SARS2: variants seen among roughly 807,000 people sequenced by gnomAD.
SARS2 encodes serine--tRNA ligase, mitochondrial.
A neutral mutation model predicts 66.8 loss-of-function variants in SARS2; 52 were observed. That is an observed-to-expected ratio of 0.78 (90% confidence interval 0.62 to 0.98). The LOEUF (loss-of-function observed/expected upper bound fraction) is 0.98. Ranked by LOEUF, SARS2 falls within the 50% of genes least tolerant of loss-of-function variation. The probability of loss-of-function intolerance (pLI) is 0.00; values close to 1 mark genes in which losing one functional copy is unlikely to be tolerated. For synonymous variants in SARS2, 306 were observed against 281.4 expected (o/e 1.09, Z -0.87); for missense variants, 673 against 706.3 (o/e 0.95, Z 0.53).
chr19:38,922,399 C>T, intron 2 of SARS2, 132 bp from the exon 3 acceptor site: 2 of 826,734 alleles, frequency 2.4e-6, no homozygotes, highest in Non-Finnish European at 4.2e-6. Flanking sequence ...CTGGGTCCCT[C>T]TGCAACTCTG....
rs749584583 is a variant in SARS2, at chr19:38,919,783, T to C, written c.738A>G (p.Thr246=). 1.9e-6 allele frequency: 3 copies of C among 1,614,098 alleles called. No individual in the cohort carries two copies. The highest frequency in any genetic ancestry group is 2.5e-6 in the Non-Finnish European group (3 of 1,179,996). Residue 246 remains threonine, a synonymous_variant, in exon 7 of 16, where the codon ACA becomes ACG. Transcript: ENST00000221431. ...ALLQHGLVNF[T]FNKLLRRGFT... is the part of the protein sequence containing the mutation. ...ATACCCGGCGGAGAAGCTTGTTGAA[T>C]GTGAAGTTGACCAGGCCGTGCTGCA...
At position 38,921,458 on chromosome 19, in the gene SARS2, C is replaced by T. The variant is rs777438386; in HGVS notation, c.535-12G>A. The T allele has an allele frequency of 1.2e-5, 19 of 1,614,136 alleles. No homozygotes were observed. Among genetic ancestry groups the T allele is most frequent in the Non-Finnish European group, 1.4e-5 (17 of 1,180,022 alleles). ...TCATCCCCGACGGGCTGCAGGGAGA[C>T]AGCAGGAGTCACGGAAAGGTGGCAC... On this transcript the variant is annotated splice_polypyrimidine_tract_variant and intron_variant, in intron 4 of 15. Coordinates refer to ENST00000221431, the MANE Select transcript of SARS2 (RefSeq NM_017827.4).
At chr19:38,921,336 C>T (rs1974530538) in intron 5 of SARS2, 56 bp downstream of exon 5, 11 of 1,598,170 alleles carry the variant, frequency 6.9e-6, no homozygotes, top group African/African-American at 1.3e-5. Flanking sequence ...ACCCCGAGAC[C>T]CCAGAACCCC....
chr19:38,918,554 G>A (rs761527714), intron 8 of SARS2, 24 bp from the exon 9 acceptor site: 1 of 1,567,598 alleles, frequency 6.4e-7, no homozygotes, highest in Admixed American at 1.7e-5. Flanking sequence ...CCAGGCCACA[G>A]GGATCAGGGG....
At chr19:38,917,122 C>T (rs916350493) in intron 12 of SARS2, among the ~76,000 whole-genome samples, 1 of 151,826 alleles carries the variant, frequency 6.6e-6, no homozygotes, top group African/African-American at 2.4e-5. Context: ...GCCACCATAC[C>T]CGGCTAATTT....
chr19:38,924,757 C>A (rs1327888914), intron 2 of SARS2, among the ~76,000 whole-genome samples: 1 of 152,172 alleles, frequency 6.6e-6, no homozygotes, highest in African/African-American at 2.4e-5. Context: ...GATCTTCCTG[C>A]CTCAGCCCCA....
chr19:38,920,118 T>C lies in SARS2; in HGVS notation c.621A>G (p.Glu207=). 1 of 1,562,612 alleles carries C rather than the reference T, an allele frequency of 6.4e-7. No individual in the cohort carries two copies. ...VFSFQPRGHL[E]IGEKLDIIRQ... ...GGATGATGTCGAGTTTCTCGCCAAT[T>C]TCCAGGTGGCCCCGAGGTTGGAAGG... Residue 207 remains glutamate, a synonymous_variant, in exon 6 of 16, where the codon GAA becomes GAG. Coordinates refer to ENST00000221431, the MANE Select transcript of SARS2 (RefSeq NM_017827.4).
At chr19:38,924,065 G>A (rs1352696122) in intron 2 of SARS2, among the ~76,000 whole-genome samples, 1 of 151,856 alleles carries the variant, frequency 6.6e-6, no homozygotes, top group East Asian at 1.9e-4. Context: ...CTGGGAGGTG[G>A]AGGTTGCAGT....
In SARS2 at chr19:38,930,630, G is replaced by A. The variant is rs1417731478; in HGVS notation, c.107C>T (p.Thr36Ile). Residue 36 changes from threonine to isoleucine, a missense_variant, in exon 1 of 16, where the codon ACA (threonine) becomes ATA (isoleucine). Physicochemically the swap from Thr to Ile is moderately conservative, Grantham distance 89. Transcript: ENST00000221431. Reference sequence around the variant, plus strand: ...CAGGAGGTTCCGGTTTCGTTTCTCTGTAGTGAAACTTCTCCTTGGACTATC... The same window carrying A: ...CAGGAGGTTCCGGTTTCGTTTCTCTATAGTGAAACTTCTCCTTGGACTATC... ...SNDSPRRSFT[T>I]EKRNRNLLYE... 6.2e-7 allele frequency: 1 copy of A among 1,614,128 alleles called. No individual in the cohort carries two copies. The highest frequency in any genetic ancestry group is 8.5e-7 in the Non-Finnish European group (1 of 1,180,024).
intron 12 of SARS2, among the ~76,000 whole-genome samples, chr19:38,916,996 C>CT (rs376689974): frequency 1.5e-4 from 22 of 149,810 alleles, no homozygotes; most frequent in African/African-American, 4.7e-4. Context: ...GGGTCTCACT[C>CT]TGTTGCCCCA....
In SARS2 at chr19:38,915,649, TG is replaced by T; in HGVS notation, c.1513del (p.Gln505SerfsTer13). 1 of 1,613,246 alleles carries T rather than the reference TG, an allele frequency of 6.2e-7. No homozygotes were observed. Among genetic ancestry groups the T allele is most frequent in the Non-Finnish European group, 8.5e-7 (1 of 1,179,774 alleles). ...HVPLQYIGPN[Q>X]PRKPGLPGQP... is the part of the protein sequence containing the mutation. ...GCCAGGCAGCCCAGGCTTCCGGGGC[TG>T]GTTGGGGCCGATGTACTGGAGAGGC... is the stretch of plus-strand genomic sequence containing the variant. On this transcript the variant is annotated frameshift_variant, in exon 16 of 16. Transcript: ENST00000221431. LOFTEE classifies it high-confidence loss of function.
intron 3 of SARS2, 191 bp from the exon 4 acceptor site, chr19:38,921,858 TG>T: frequency 7.5e-7 from 1 of 1,326,984 alleles, no homozygotes; most frequent in Non-Finnish European, 1.1e-6. Flanking sequence ...GAATCAGGCC[TG>T]GCCAACTAGA....
chr19:38,930,473 C>T lies in SARS2; in HGVS notation c.264G>A (p.Ala88=). The T allele has an allele frequency of 6.3e-7, 1 of 1,595,764 alleles. No individual in the cohort carries two copies. Among genetic ancestry groups the T allele is most frequent in the Non-Finnish European group, 8.6e-7 (1 of 1,169,460 alleles). The change falls in exon 1 of 16, where the codon GCG becomes GCA. Residue 88 remains alanine, a synonymous_variant. Transcript: ENST00000221431. The part of the protein sequence containing the change: ...KGELRSADLP[A]IISTWQELRQ... Reference sequence around the variant, plus strand: ...CGGCCGGCGCAGGCGCACTCACGATCGCGGGCAGGTCCGCCGAGCGCAGCT... The same window carrying T: ...CGGCCGGCGCAGGCGCACTCACGATTGCGGGCAGGTCCGCCGAGCGCAGCT...
Position 38,926,206 on chromosome 19 carries a change from AGCAGGGCCC to A in SARS2, c.353_361del (p.Arg118_Leu120del). 6.2e-7 allele frequency: 1 copy of A among 1,605,036 alleles called. No homozygotes were observed. The highest frequency in any genetic ancestry group is 8.5e-7 in the Non-Finnish European group (1 of 1,179,246). ...ACCTACTCAGGGCACCATGCTCACC[AGCAGGGCCC>A]GCACTGCCTCAGTCACAGCTGCCTT... On this transcript the variant is annotated inframe_deletion and splice_region_variant, in exon 2 of 16. Coordinates refer to ENST00000221431, the MANE Select transcript of SARS2 (RefSeq NM_017827.4).
At position 38,915,582 on chromosome 19, in the gene SARS2, C is replaced by T; in HGVS notation, c.*24G>A. The T allele has an allele frequency of 1.2e-6, 2 of 1,609,750 alleles. No homozygotes were observed. The highest frequency in any genetic ancestry group is 2.2e-5 in the South Asian group (2 of 90,904). On this transcript the variant is annotated 3_prime_UTR_variant, in exon 16 of 16. Coordinates refer to ENST00000221431, the MANE Select transcript of SARS2 (RefSeq NM_017827.4). ...TGAACTCCAGGAAGCAGTGACACCCCCGAGGGCTGCTGTGGGTGGGTTCTT... is the reference window on the plus strand; with the variant it reads ...TGAACTCCAGGAAGCAGTGACACCCTCGAGGGCTGCTGTGGGTGGGTTCTT...
intron 3 of SARS2, 38 bp downstream of exon 3, chr19:38,922,200 C>A (rs1229907315): frequency 1.9e-6 from 3 of 1,611,150 alleles, no homozygotes; most frequent in South Asian, 1.1e-5. Flanking sequence ...TCCCTGCCCA[C>A]CCCCAACCCT....
At chr19:38,928,679 C>T (rs114457083) in intron 1 of SARS2, among the ~76,000 whole-genome samples, 1 of 152,258 alleles carries the variant, frequency 6.6e-6, no homozygotes, top group African/African-American at 2.4e-5. Flanking sequence ...TACCTCCAGG[C>T]TTTTGTATAT....
At position 38,930,696 on chromosome 19, in the gene SARS2, G is replaced by A; in HGVS notation, c.41C>T (p.Thr14Ile). 6.2e-7 allele frequency: 1 copy of A among 1,613,922 alleles called. No homozygotes were observed. The highest frequency in any genetic ancestry group is 8.5e-7 in the Non-Finnish European group (1 of 1,180,026). The change falls in exon 1 of 16, where the codon ACT becomes ATT. Residue 14 changes from threonine (T) to isoleucine (I), a missense_variant. Physicochemically the swap from Thr to Ile is moderately conservative, Grantham distance 89. Coordinates refer to ENST00000221431, the MANE Select transcript of SARS2 (RefSeq NM_017827.4). ...SMARRLWPLL[T>I]RRGFRPRGGC... ...TCCCCGGGGCCGGAACCCCCGACGAGTCAGCAAAGGCCACAAGCGCCGCGC... is the reference window on the plus strand; with the variant it reads ...TCCCCGGGGCCGGAACCCCCGACGAATCAGCAAAGGCCACAAGCGCCGCGC...
intron 7 of SARS2, 133 bp downstream of exon 7, chr19:38,919,629 G>A: frequency 2.7e-6 from 2 of 750,260 alleles, no homozygotes; most frequent in Non-Finnish European, 4.8e-6. Context: ...AGGACTAAAT[G>A]TGTCAATGAT....
Sources: gnomAD v4.1 joint callset for allele counts (sites outside exome capture counted in the v4.1 genomes callset) on GRCh38, gnomAD v4.1.1 for gene constraint, MANE v1.5 for transcripts, NCBI Gene and HGNC (gene_info 2026-07-23, HGNC 2026-07-21) for gene names.